Variants in CEP72 observed in about 807,000 individuals in gnomAD.
The protein encoded by CEP72 is centrosomal protein 72.
CEP72 carries 78 observed loss-of-function variants against 65.7 expected under a neutral mutation model. That is an observed-to-expected ratio of 1.19 (90% CI 0.99 to 1.43). CEP72 has a LOEUF of 1.43. CEP72 is among the 40% of genes most tolerant of loss of function. The probability of loss-of-function intolerance (pLI) is 0.00; values close to 1 mark genes in which losing one functional copy is unlikely to be tolerated. For missense variants in CEP72, 914 were observed against 832.9 expected (o/e 1.10, Z -1.20); for synonymous variants, 358 against 351.7 (o/e 1.02, Z -0.20).
intron 9 of CEP72, 194 bp from the exon 10 acceptor site, chr5:644,105 A>AGG (rs34490857): frequency 6.9e-6 from 4 of 580,232 alleles, no homozygotes; most frequent in Non-Finnish European, 9.1e-6. Context: ...CCCTCCCCTG[A>AGG]GGGTGCTGCA....
chr5:665,156 CACATAGCCT>C, intron 2 of CEP72: 1 of 1,613,490 alleles, frequency 6.2e-7, no homozygotes, highest in Non-Finnish European at 8.5e-7. Context: ...TGTAGCCGGA[CACATAGCCT>C]GACTCGTCCA....
chr5:618,911 T>C (rs1736168535), intron 1 of CEP72, 79 bp from the exon 2 acceptor site: 1 of 1,176,012 alleles, frequency 8.5e-7, no homozygotes, highest in Non-Finnish European at 1.2e-6. Flanking sequence ...CTACTCCATA[T>C]CCAACACCAA....
rs989744536 is a variant in CEP72 at position 640,839 on chromosome 5, G to A, written c.1539+235G>A. The A allele has an allele frequency of 1.6e-5, 16 of 985,310 alleles. No individual in the cohort carries two copies. The Admixed American group carries it at 9.2e-4, about 57-fold the overall frequency. 61.0% of individuals were successfully genotyped at this position (985,310 alleles called of 1,614,324 possible). A position where few individuals can be genotyped will look rare whatever the true frequency, so the allele number is the denominator to read the frequency against. On this transcript the variant is annotated intron_variant, in intron 9 of 11. Coordinates refer to ENST00000264935, the MANE Select transcript of CEP72 (RefSeq NM_018140.4). ...GTGGCGCTGGCCACCTTCTCTCCCC[G>A]GGCCCAAGGGACCCTCCACCACTGG...
chr5:675,651 A>G, the CEP72 span, among the ~76,000 whole-genome samples: 1 of 151,746 alleles, frequency 6.6e-6, no homozygotes, highest in African/African-American at 2.4e-5. Flanking sequence ...TGTTGGACGG[A>G]CCCTCGAGGG....
downstream of CEP72, among the ~76,000 whole-genome samples, chr5:671,626 G>A (rs1047708867): frequency 2.0e-5 from 3 of 152,212 alleles, no homozygotes; most frequent in East Asian, 3.9e-4. Flanking sequence ...CGGCCTGCAG[G>A]GTACAGGAGC....
intron 9 of CEP72, chr5:641,250 C>T (rs1051483682): frequency 4.1e-6 from 4 of 985,412 alleles, no homozygotes; most frequent in Non-Finnish European, 4.8e-6. Context: ...CTGCAAGGGC[C>T]TCCCCACGGG....
chr5:619,206 C>A (rs1561025822), intron 2 of CEP72, 89 bp downstream of exon 2: 1 of 1,257,260 alleles, frequency 8.0e-7, no homozygotes, highest in South Asian at 1.3e-5. Flanking sequence ...GTTTTGTAAC[C>A]CTCTGCTTAC....
At position 637,584 on chromosome 5, in the gene CEP72, T is replaced by C; in HGVS notation, c.972T>C (p.Gly324=). 6.2e-7 allele frequency: 1 copy of C among 1,614,004 alleles called. No individual in the cohort carries two copies. The highest frequency in any genetic ancestry group is 8.5e-7 in the Non-Finnish European group (1 of 1,180,034). The change falls in exon 7 of 12, where the codon GGT becomes GGC. Residue 324 remains glycine, a synonymous_variant. Transcript: ENST00000264935. ...ATTTGTCAGGAGAAATGGTGCCTGG[T>C]CCCCTGCCAGCCCCCGGAAAGTGCA... ...KLDLSGEMVP[G]PLPAPGKCRK... is the part of the protein sequence containing the mutation.
the CEP72 span, among the ~76,000 whole-genome samples, chr5:672,912 G>A: frequency 6.6e-6 from 1 of 152,362 alleles, no homozygotes; most frequent in East Asian, 1.9e-4. Context: ...AAACAAACAA[G>A]CGCTGCCATG....
chr5:660,930 G>A (rs1739565696), downstream of CEP72: 1 of 152,248 alleles, frequency 6.6e-6, no homozygotes, highest in African/African-American at 2.4e-5. Context: ...TCCACCATCT[G>A]CGCCCAAACT....
At chr5:614,444 ATTT>A (rs11350475) in intron 1 of CEP72, among the ~76,000 whole-genome samples, 59 of 93,802 alleles carry the variant, frequency 6.3e-4, no homozygotes, top group African/African-American at 1.8e-3. Flanking sequence ...TGACCTGTGA[ATTT>A]TTTTTTTTTT....
intron 1 of CEP72, chr5:663,050 C>T (rs1295028318): frequency 7.5e-6 from 1 of 132,796 alleles, no homozygotes; most frequent in Non-Finnish European, 1.7e-5. Flanking sequence ...GATGACTGCT[C>T]GTCTGTGATC....
At chr5:638,565 G>C (rs1038984039) in intron 7 of CEP72, among the ~76,000 whole-genome samples, 3 of 151,510 alleles carry the variant, frequency 2.0e-5, no homozygotes, top group Non-Finnish European at 3.0e-5. Context: ...GCATGGGGTG[G>C]GGGGGGGTCC....
chr5:635,953 G>T (rs745817448), intron 6 of CEP72, among the ~76,000 whole-genome samples: 1 of 151,540 alleles, frequency 6.6e-6, no homozygotes, highest in Non-Finnish European at 1.5e-5. Context: ...ACCTGTTCCA[G>T]ACTCATCCTT....
In CEP72 at chr5:612,458, G is replaced by C; in HGVS notation, c.82+15G>C. On this transcript the variant is annotated intron_variant, in intron 1 of 11. Coordinates refer to ENST00000264935, the MANE Select transcript of CEP72 (RefSeq NM_018140.4). ...CCGCGACCTGGGTGCGCCGGAGGGCGGGCGGGGGTGCAAGCGTGAGGTGGC... is the reference window on the plus strand; with the variant it reads ...CCGCGACCTGGGTGCGCCGGAGGGCCGGCGGGGGTGCAAGCGTGAGGTGGC... 1 of 1,439,010 alleles carries C rather than the reference G, an allele frequency of 6.9e-7. No homozygotes were observed. Among genetic ancestry groups the C allele is most frequent in the Non-Finnish European group, 9.1e-7 (1 of 1,097,080 alleles). 89.1% of individuals were successfully genotyped at this position (1,439,010 alleles called of 1,614,324 possible). A position where few individuals can be genotyped will look rare whatever the true frequency, so the allele number is the denominator to read the frequency against.
chr5:628,700 GTTCCCAGGACCCA>G (rs1736963704), intron 4 of CEP72, among the ~76,000 whole-genome samples: 5 of 128,262 alleles, frequency 3.9e-5, no homozygotes, highest in Admixed American at 1.6e-4. Context: ...CCCGGGGAGT[GTTCCCAGGACCCA>G]GCCCCCTTCT....
chr5:636,332 C>G (rs1737594812), intron 6 of CEP72, among the ~76,000 whole-genome samples: 1 of 152,204 alleles, frequency 6.6e-6, no homozygotes, highest in South Asian at 2.1e-4. Context: ...AGTGCTTTTT[C>G]TCTGCACGTG....
At chr5:618,605 C>T (rs1019441629) in intron 1 of CEP72, among the ~76,000 whole-genome samples, 12 of 150,870 alleles carry the variant, frequency 8.0e-5, no homozygotes, top group South Asian at 4.2e-4. Context: ...CAGCAGGGGC[C>T]GGGGGGAGTT....
chr5:619,264 G>C (rs1736217604), intron 2 of CEP72, 147 bp downstream of exon 2: 1 of 701,468 alleles, frequency 1.4e-6, no homozygotes, highest in South Asian at 2.1e-5. Context: ...GTTTACCGTG[G>C]GCTACATTTC....
Sources: allele counts gnomAD v4.1 joint callset (sites outside exome capture counted in the v4.1 genomes callset), GRCh38; gene constraint gnomAD v4.1.1; transcripts MANE v1.5; gene names NCBI Gene and HGNC (gene_info 2026-07-23, HGNC 2026-07-21).